THRB: variants seen among roughly 807,000 people sequenced by gnomAD.
The protein encoded by THRB is thyroid hormone receptor beta.
THRB carries 12 observed loss-of-function variants against 47.8 expected under a neutral mutation model. The observed-to-expected ratio is 0.25, with a 90% confidence interval of 0.16 to 0.41. The LOEUF is 0.41. Ranked by LOEUF, THRB falls within the 10% of genes least tolerant of loss-of-function variation. The probability of loss-of-function intolerance (pLI) is 1.00; values close to 1 mark genes in which losing one functional copy is unlikely to be tolerated. For synonymous variants in THRB, 218 were observed against 212.2 expected (o/e 1.03, Z -0.24); for missense variants, 348 against 589.2 (o/e 0.59, Z 4.24).
intron 3 of THRB, among the ~76,000 whole-genome samples, chr3:24,243,295 T>A (rs2049758395): frequency 6.6e-6 from 1 of 151,948 alleles, no homozygotes; most frequent in Admixed American, 6.6e-5. Context: ...AAAATGGCAT[T>A]CCAACAGGTA....
intron 2 of THRB, among the ~76,000 whole-genome samples, chr3:24,335,819 T>C (rs746159638): frequency 1.3e-5 from 2 of 152,232 alleles, no homozygotes; most frequent in Non-Finnish European, 2.9e-5. Flanking sequence ...AGTTTCCTTA[T>C]CTGTAAATTG....
At chr3:24,244,118 A>C (rs1006678221) in intron 3 of THRB, among the ~76,000 whole-genome samples, 3 of 152,150 alleles carry the variant, frequency 2.0e-5, no homozygotes, top group African/African-American at 7.2e-5. Context: ...GTGACTGCTC[A>C]TGGATACAAG....
At chr3:24,438,510 T>C (rs1323587325) in intron 1 of THRB, among the ~76,000 whole-genome samples, 2 of 133,816 alleles carry the variant, frequency 1.5e-5, no homozygotes, top group African/African-American at 5.4e-5. Flanking sequence ...CAAAAAGGTG[T>C]GTGTGTGTGT....
At chr3:24,279,079 A>T (rs1417895572) in intron 3 of THRB, among the ~76,000 whole-genome samples, 1 of 152,154 alleles carries the variant, frequency 6.6e-6, no homozygotes, top group Non-Finnish European at 1.5e-5. Context: ...TCCCGGCTTC[A>T]AGTAATCCTC....
chr3:24,409,955 C>T (rs543616285), intron 1 of THRB, among the ~76,000 whole-genome samples: 3 of 151,900 alleles, frequency 2.0e-5, no homozygotes, highest in Non-Finnish European at 4.4e-5. Context: ...GTTAAGCAGA[C>T]CTTTGATGAG....
At chr3:24,285,880 C>CT (rs1006568817) in intron 3 of THRB, among the ~76,000 whole-genome samples, 6 of 152,070 alleles carry the variant, frequency 3.9e-5, no homozygotes, top group African/African-American at 1.2e-4. Flanking sequence ...TTGTGTCTTC[C>CT]TCTGCCCAAA....
At chr3:24,287,936 A>T (rs2055498476) in intron 3 of THRB, among the ~76,000 whole-genome samples, 1 of 152,250 alleles carries the variant, frequency 6.6e-6, no homozygotes, top group Non-Finnish European at 1.5e-5. Context: ...GAACACTGCC[A>T]AGCACAGAAT....
At chr3:24,124,969 G>A (rs562348216) in intron 10 of THRB, among the ~76,000 whole-genome samples, 59 of 152,318 alleles carry the variant, frequency 3.9e-4, no homozygotes, top group Non-Finnish European at 7.5e-4. Context: ...TAGCTGTCAG[G>A]CAGTGTCAGC....
Position 24,401,389 on chromosome 3 carries a change from C to A in THRB, c.-260-64018G>T, listed in dbSNP as rs1286743915. ...AATGTAATATATCCATTTAAAGAGA[C>A]TTTTTTTGCATTCAAAAGATTATCT... On this transcript the variant is annotated intron_variant, in intron 1 of 10. Coordinates refer to ENST00000646209, the MANE Select transcript of THRB (RefSeq NM_001354712.2). Among the ~76,000 whole-genome samples the A allele has an allele frequency of 2.0e-5, 3 of 151,982 alleles. No individual in the cohort carries two copies. In the East Asian group the frequency reaches 5.8e-4, roughly 29 times the overall value.
chr3:24,298,191 G>C (rs2056608766), intron 2 of THRB, among the ~76,000 whole-genome samples: 1 of 152,166 alleles, frequency 6.6e-6, no homozygotes. Flanking sequence ...TTATTAAAGT[G>C]TCACATACTT....
intron 5 of THRB, among the ~76,000 whole-genome samples, chr3:24,170,150 C>T (rs1382579031): frequency 6.6e-6 from 1 of 152,188 alleles, no homozygotes; most frequent in Non-Finnish European, 1.5e-5. Flanking sequence ...ACCTGTTCCT[C>T]TCACAGTAGT....
chr3:24,135,464 T>C (rs1238500345), intron 8 of THRB, among the ~76,000 whole-genome samples: 2 of 152,184 alleles, frequency 1.3e-5, no homozygotes, highest in Non-Finnish European at 1.5e-5. Context: ...ACCTGGTTTC[T>C]GTCGTGTTTC....
chr3:24,177,356 C>G (rs954012025), intron 5 of THRB, among the ~76,000 whole-genome samples: 2 of 152,182 alleles, frequency 1.3e-5, no homozygotes, highest in African/African-American at 4.8e-5. Flanking sequence ...AGACTCGAAG[C>G]TCTGCCAACA....
intron 4 of THRB, among the ~76,000 whole-genome samples, chr3:24,217,233 A>G (rs961653428): frequency 2.0e-5 from 3 of 152,082 alleles, no homozygotes; most frequent in Admixed American, 6.5e-5. Flanking sequence ...CGTCAGAGGA[A>G]ACTATGAGCC....
At chr3:24,192,106 C>T (rs1313536943) in intron 4 of THRB, among the ~76,000 whole-genome samples, 1 of 152,176 alleles carries the variant, frequency 6.6e-6, no homozygotes, top group African/African-American at 2.4e-5. Flanking sequence ...TGGACTTCTA[C>T]CACTTTCGAC....
chr3:24,177,693 A>G (rs2041346193), intron 5 of THRB, among the ~76,000 whole-genome samples: 1 of 152,222 alleles, frequency 6.6e-6, no homozygotes, highest in Non-Finnish European at 1.5e-5. Flanking sequence ...AGGATTTGTA[A>G]AAGTTTGCAA....
chr3:24,426,094 A>G (rs1005670716), intron 1 of THRB, among the ~76,000 whole-genome samples: 1 of 151,888 alleles, frequency 6.6e-6, no homozygotes, highest in Admixed American at 6.6e-5. Context: ...AGTAAAACCT[A>G]TTTACCTACC....
At chr3:24,161,347 T>C (rs2038783624) in intron 5 of THRB, among the ~76,000 whole-genome samples, 1 of 152,178 alleles carries the variant, frequency 6.6e-6, no homozygotes, top group Non-Finnish European at 1.5e-5. Flanking sequence ...GATTATTTAT[T>C]TAGTACTCAA....
intron 1 of THRB, among the ~76,000 whole-genome samples, chr3:24,425,815 T>C (rs2069703776): frequency 6.6e-6 from 1 of 151,954 alleles, no homozygotes; most frequent in African/African-American, 2.4e-5. Flanking sequence ...CTGGGGCAAG[T>C]AATTTAACCT....
Sources: allele counts gnomAD v4.1 joint callset (sites outside exome capture counted in the v4.1 genomes callset), GRCh38; gene constraint gnomAD v4.1.1; transcripts MANE v1.5; gene names NCBI Gene and HGNC (gene_info 2026-07-23, HGNC 2026-07-21).